AP3B2: variants seen among roughly 807,000 people sequenced by gnomAD.
The protein encoded by AP3B2 is AP-3 complex subunit beta-2.
In AP3B2, 50 loss-of-function variants were observed where a neutral mutation model predicts 126.9. The observed-to-expected ratio is 0.39, with a 90% confidence interval of 0.31 to 0.50. The LOEUF (loss-of-function observed/expected upper bound fraction) is 0.50. Among genes scored for constraint, AP3B2 ranks in the 20% least tolerant of loss-of-function variants. The probability of loss-of-function intolerance (pLI) is 0.79; values close to 1 mark genes in which losing one functional copy is unlikely to be tolerated. For missense variants in AP3B2, 1,177 were observed against 1,426.4 expected, an observed-to-expected ratio of 0.83 and a Z score of 2.82; for synonymous variants, 541 against 565.0, an observed-to-expected ratio of 0.96 and a Z score of 0.60.
In AP3B2 at chr15:82,688,730, C is replaced by T. The variant is rs1292660899; in HGVS notation, c.360+6G>A. The T allele has an allele frequency of 6.2e-7, 1 of 1,608,566 alleles. No homozygotes were observed. The highest frequency in any genetic ancestry group is 8.5e-7 in the Non-Finnish European group (1 of 1,177,634). Reference sequence around the variant, plus strand: ...AGGCCCTGGGAGGCAAACTGAGACCCCTGACCTTTAGGCCACGTTGGAAGG... The same window carrying T: ...AGGCCCTGGGAGGCAAACTGAGACCTCTGACCTTTAGGCCACGTTGGAAGG... On this transcript the variant is annotated splice_donor_region_variant and intron_variant, in intron 4 of 26. Coordinates refer to ENST00000535359, the MANE Select transcript of AP3B2 (RefSeq NM_001278512.2).
In AP3B2 at chr15:82,709,402, C is replaced by T. The variant is rs918641960; in HGVS notation, c.113+192G>A. Among the ~76,000 whole-genome samples, 10 of 151,680 alleles carry T rather than the reference C, an allele frequency of 6.6e-5. 1 individual carries two copies. ...CCCCCCTCCGCGTCCTAGGCCGGCC[C>T]CTGGAGCCGGGGTGCCAGCGCTGCC... On this transcript the variant is annotated intron_variant, in intron 1 of 26. Transcript: ENST00000535359.
At chr15:82,683,049 T>C (rs1248947187) in intron 4 of AP3B2, among the ~76,000 whole-genome samples, 11 of 66,668 alleles carry the variant, frequency 1.6e-4, no homozygotes, top group African/African-American at 1.4e-3. Flanking sequence ...CACCAGGAGT[T>C]TTTTTTTTTT....
At chr15:82,688,336 G>T (rs888301642) in intron 4 of AP3B2, 2 of 675,802 alleles carry the variant, frequency 3.0e-6, no homozygotes, top group East Asian at 2.7e-5. Flanking sequence ...TGGTGTGGGG[G>T]ATTCAGGCCA....
In AP3B2 at chr15:82,680,398, A is replaced by AG; in HGVS notation, c.1055+73dup. On this transcript the variant is annotated intron_variant, in intron 8 of 26. Coordinates refer to ENST00000535359, the MANE Select transcript of AP3B2 (RefSeq NM_001278512.2). This position sits in a 1 kb window ranked among gnomAD's most constrained non-coding sequence, Gnocchi z 6.1. ...GAGGTGGAAGCGGCTGGTGGGCGTGAGGGGGCGGAGCCGGGCAGCCCGTGG... is the reference window on the plus strand; with the variant it reads ...GAGGTGGAAGCGGCTGGTGGGCGTGAGGGGGGCGGAGCCGGGCAGCCCGTGG... The AG allele has an allele frequency of 7.8e-7, 1 of 1,279,764 alleles. No homozygotes were observed. The highest frequency in any genetic ancestry group is 9.9e-7 in the Non-Finnish European group (1 of 1,005,444). The allele number at this position is 1,279,764 out of a possible 1,614,324, so 79.3% of individuals were successfully genotyped here.
chr15:82,692,251 G>A (rs2151452710), intron 1 of AP3B2: 1 of 932,842 alleles, frequency 1.1e-6, no homozygotes, highest in South Asian at 1.5e-5. Flanking sequence ...CCATTCTTAA[G>A]CTTGATCTTG....
chr15:82,684,099 CAACTT>C (rs1051984755), intron 4 of AP3B2, among the ~76,000 whole-genome samples: 6 of 152,176 alleles, frequency 3.9e-5, no homozygotes, highest in African/African-American at 1.2e-4. Flanking sequence ...GCACTGGCCT[CAACTT>C]AAAGTCACTA....
intron 1 of AP3B2, among the ~76,000 whole-genome samples, chr15:82,701,614 G>A (rs1169585132): frequency 6.6e-6 from 1 of 152,098 alleles, no homozygotes; most frequent in African/African-American, 2.4e-5. Flanking sequence ...GGGGTTGAAG[G>A]GTCATGATCT....
chr15:82,692,280 T>C (rs2048549721), intron 1 of AP3B2: 2 of 745,936 alleles, frequency 2.7e-6, no homozygotes, highest in Admixed American at 6.4e-5. Context: ...GCCGTACTTG[T>C]AGAAAAGGTC....
intron 4 of AP3B2, 23 bp downstream of exon 4, chr15:82,688,713 G>A: frequency 8.1e-6 from 13 of 1,595,294 alleles, no homozygotes; most frequent in Non-Finnish European, 1.1e-5. Flanking sequence ...CCAGGCCCTG[G>A]GAGGCAAACT....
At position 82,709,815 on chromosome 15, in the gene AP3B2, C is replaced by G. The variant is rs1176498956; in HGVS notation, c.-109G>C. 3.7e-5 allele frequency: 31 copies of G among 842,140 alleles called. No homozygotes were observed. The highest frequency in any genetic ancestry group is 5.2e-5 in the Non-Finnish European group (31 of 594,964). 52.2% of individuals were successfully genotyped at this position (842,140 alleles called of 1,614,324 possible). A position where few individuals can be genotyped will look rare whatever the true frequency, so the allele number is the denominator to read the frequency against. ...CGGTCCGGGCTGGCGAAGGCGGCGG[C>G]GCGGCAGGGGTTCAGCAGAGGCTGC... is the stretch of plus-strand genomic sequence containing the variant. On this transcript the variant is annotated 5_prime_UTR_variant, in exon 1 of 27. Transcript: ENST00000535359.
intron 21 of AP3B2, 114 bp from the exon 22 acceptor site, chr15:82,663,347 CTGCCTGGAGGCTCTCGCAAAATACCCAT>C: frequency 1.9e-6 from 2 of 1,029,054 alleles, no homozygotes; most frequent in Non-Finnish European, 3.0e-6. Context: ...GGGCACATGG[CTGCCTGGAGGCTCTCGCAAAATACCCAT>C]TCCTAGACCT....
chr15:82,704,786 C>T (rs1463062873), intron 1 of AP3B2, among the ~76,000 whole-genome samples: 1 of 152,278 alleles, frequency 6.6e-6, no homozygotes. Context: ...TTGGGTAACT[C>T]TTACAGTGGA....
chr15:82,698,222 C>T (rs1236931584), intron 1 of AP3B2, among the ~76,000 whole-genome samples: 1 of 151,830 alleles, frequency 6.6e-6, no homozygotes, highest in African/African-American at 2.4e-5. Flanking sequence ...CCACAAAATC[C>T]TGCCTACACA....
At chr15:82,695,486 C>A (rs189880154) in intron 1 of AP3B2, among the ~76,000 whole-genome samples, 1 of 151,936 alleles carries the variant, frequency 6.6e-6, no homozygotes, top group African/African-American at 2.4e-5. Context: ...GCCAAAGATG[C>A]GATCAATCAT....
chr15:82,708,065 T>A (rs904428481), intron 1 of AP3B2, among the ~76,000 whole-genome samples: 1 of 152,234 alleles, frequency 6.6e-6, no homozygotes, highest in Non-Finnish European at 1.5e-5. Context: ...TGATATCCCC[T>A]GTGACCTGCA....
At chr15:82,673,459 C>T (rs2048190962) in intron 14 of AP3B2, among the ~76,000 whole-genome samples, 1 of 152,158 alleles carries the variant, frequency 6.6e-6, no homozygotes, top group Non-Finnish European at 1.5e-5. Flanking sequence ...AATGACCCAC[C>T]CACCTTGGGC....
At chr15:82,689,900 C>G (rs1032771799) in intron 1 of AP3B2, 3 of 160,350 alleles carry the variant, frequency 1.9e-5, no homozygotes, top group Non-Finnish European at 2.7e-5. Context: ...CCCTGGAGTT[C>G]GAGACCAGCC....
At chr15:82,662,043 A>G in intron 24 of AP3B2, 121 bp from the exon 25 acceptor site, 1 of 1,297,322 alleles carries the variant, frequency 7.7e-7, no homozygotes, top group African/African-American at 1.5e-5. Flanking sequence ...TGAGGGCCTG[A>G]GATGGCTTCC....
intron 4 of AP3B2, among the ~76,000 whole-genome samples, chr15:82,684,126 C>G (rs1453202915): frequency 1.3e-5 from 2 of 152,162 alleles, no homozygotes; most frequent in Non-Finnish European, 2.9e-5. Flanking sequence ...CTGCATTGGC[C>G]CCTAACAAGA....
Sources: gnomAD v4.1 joint callset for allele counts (sites outside exome capture counted in the v4.1 genomes callset) on GRCh38, gnomAD v4.1.1 for gene constraint, Gnocchi (gnomAD v3.1) non-coding constraint, MANE v1.5 for transcripts, NCBI Gene and HGNC (gene_info 2026-07-23, HGNC 2026-07-21) for gene names.